The following TMEM132D variants were observed in gnomAD, a reference collection of about 807,000 sequenced individuals.
The protein encoded by TMEM132D is transmembrane protein 132D, also known as mature OL transmembrane protein.
A neutral mutation model predicts 62.3 loss-of-function variants in TMEM132D; 21 were observed. The ratio of observed to expected loss-of-function variants is 0.34; its 90% CI spans 0.24 to 0.49. The LOEUF (loss-of-function observed/expected upper bound fraction) is 0.49. Among genes scored for constraint, TMEM132D ranks in the 20% least tolerant of loss-of-function variants. The pLI is 0.99. For synonymous variants in TMEM132D, 621 were observed against 575.6 expected (o/e 1.08, Z -1.13); for missense variants, 1,346 against 1,402.8 (o/e 0.96, Z 0.65).
intron 2 of TMEM132D, among the ~76,000 whole-genome samples, chr12:129,597,299 C>A (rs1169514820): frequency 6.6e-6 from 1 of 152,108 alleles, no homozygotes; most frequent in African/African-American, 2.4e-5. Context: ...GTGATATACT[C>A]CTGTTTACTT....
At chr12:129,368,818 G>C (rs935060956) in intron 3 of TMEM132D, among the ~76,000 whole-genome samples, 2 of 151,416 alleles carry the variant, frequency 1.3e-5, no homozygotes, top group African/African-American at 2.4e-5. Context: ...GTATATTTCT[G>C]GCCAATCGGC....
At chr12:129,240,738 T>C (rs540300220) in intron 4 of TMEM132D, among the ~76,000 whole-genome samples, 1 of 152,344 alleles carries the variant, frequency 6.6e-6, no homozygotes, top group East Asian at 1.9e-4. Context: ...TAATGTCTAA[T>C]TCCTAAGGCA....
chr12:129,392,399 C>T (rs571871897), intron 3 of TMEM132D, among the ~76,000 whole-genome samples: 1 of 152,200 alleles, frequency 6.6e-6, no homozygotes, highest in East Asian at 1.9e-4. Flanking sequence ...GACTGAACAA[C>T]AAGACTGGGG....
chr12:129,406,358 C>A (rs867681522), intron 3 of TMEM132D, among the ~76,000 whole-genome samples: 1 of 152,150 alleles, frequency 6.6e-6, no homozygotes, highest in Admixed American at 6.5e-5. Flanking sequence ...TGGTGGCTTA[C>A]GCCTGTAATC....
rs764112350 is a variant in TMEM132D at position 129,813,630 on chromosome 12, A to ATT, written c.79+89629_79+89630dup. ...AAATGTGATATATATATATATATAT[A>ATT]TTTTCAGGACTATTTCAGACATTGG... is the stretch of plus-strand genomic sequence containing the variant. On this transcript the variant is annotated intron_variant, in intron 1 of 8. Transcript: ENST00000422113. 3.7e-3 allele frequency among the ~76,000 whole-genome samples: 540 copies of ATT among 147,154 alleles called. 16 individuals are homozygous for ATT. The highest frequency in any genetic ancestry group is 0.012 in the African/African-American group (481 of 40,052).
At chr12:129,075,795 A>G (rs1390283125) in intron 8 of TMEM132D, among the ~76,000 whole-genome samples, 1 of 152,232 alleles carries the variant, frequency 6.6e-6, no homozygotes, top group Middle Eastern at 3.2e-3. Flanking sequence ...GTTGATTTAG[A>G]CCAACTTTCT....
In TMEM132D at chr12:129,164,365, C is replaced by T. The variant is rs193293620; in HGVS notation, c.1443+45155G>A. Among the ~76,000 whole-genome samples, 10 of 152,336 alleles carry T rather than the reference C, an allele frequency of 6.6e-5. No individual in the cohort carries two copies. In the East Asian group the frequency reaches 1.9e-3, roughly 29 times the overall value. ...ACAATGTGATACCACGACCCACCCACCATAATGGCTGCAATTAAACAGCGA... is the reference window on the plus strand; with the variant it reads ...ACAATGTGATACCACGACCCACCCATCATAATGGCTGCAATTAAACAGCGA... On this transcript the variant is annotated intron_variant, in intron 5 of 8. Coordinates refer to ENST00000422113, the MANE Select transcript of TMEM132D (RefSeq NM_133448.3).
chr12:129,574,493 G>A (rs1022054150), intron 2 of TMEM132D, among the ~76,000 whole-genome samples: 1 of 151,952 alleles, frequency 6.6e-6, no homozygotes, highest in African/African-American at 2.4e-5. Context: ...GACTAGGGGC[G>A]AAATGATGCT....
intron 5 of TMEM132D, among the ~76,000 whole-genome samples, chr12:129,147,119 T>C (rs1197550510): frequency 1.3e-5 from 2 of 151,694 alleles, no homozygotes. Context: ...ATTTTGCCCA[T>C]TTGCCTTATT....
intron 3 of TMEM132D, among the ~76,000 whole-genome samples, chr12:129,469,078 G>A (rs1333008094): frequency 1.3e-5 from 2 of 152,148 alleles, no homozygotes; most frequent in African/African-American, 4.8e-5. Context: ...TCAACTTAAT[G>A]AAGAAAACTG....
chr12:129,162,310 G>A lies in TMEM132D; in HGVS notation c.1443+47210C>T, dbSNP rs367739294. 4.6e-5 allele frequency among the ~76,000 whole-genome samples: 7 copies of A among 152,240 alleles called. No individual in the cohort carries two copies. The East Asian group carries it at 9.7e-4, about 21-fold the overall frequency. On this transcript the variant is annotated intron_variant, in intron 5 of 8. Coordinates refer to ENST00000422113, the MANE Select transcript of TMEM132D (RefSeq NM_133448.3). Reference sequence around the variant, plus strand: ...GGCAGCCGTGCACAAGCCAGGAAGAGAGCCCTCACCAGAAACCAACCCTGC... The same window carrying A: ...GGCAGCCGTGCACAAGCCAGGAAGAAAGCCCTCACCAGAAACCAACCCTGC...
rs192261202 is a variant in TMEM132D, at chr12:129,393,441, G to A, written c.1116-55624C>T. Among the ~76,000 whole-genome samples, 853 of 152,260 alleles carry A rather than the reference G, an allele frequency of 5.6e-3. 4 individuals carry two copies. Among genetic ancestry groups the A allele is most frequent in the Middle Eastern group, 0.02 (6 of 294 alleles). ...GGGGATGCTTTCCTGTTTCTTTCCA[G>A]AATCACAGGGGCTGAAGGTGGTGGC... is the stretch of plus-strand genomic sequence containing the variant. On this transcript the variant is annotated intron_variant, in intron 3 of 8. Coordinates refer to ENST00000422113, the MANE Select transcript of TMEM132D (RefSeq NM_133448.3).
rs540371030 is a variant in TMEM132D, at chr12:129,799,331, T to G, written c.80-98633A>C. On this transcript the variant is annotated intron_variant, in intron 1 of 8. Transcript: ENST00000422113. Reference sequence around the variant, plus strand: ...TATATATATACACACACATATTATATATGTATATATATGTGTATATATGTG... The same window carrying G: ...TATATATATACACACACATATTATAGATGTATATATATGTGTATATATGTG... Among the ~76,000 whole-genome samples the G allele has an allele frequency of 6.0e-5, 9 of 149,672 alleles. No homozygotes were observed. The South Asian group carries it at 1.9e-3, about 32-fold the overall frequency.
At chr12:129,430,528 C>T (rs949747247) in intron 3 of TMEM132D, among the ~76,000 whole-genome samples, 2 of 152,002 alleles carry the variant, frequency 1.3e-5, no homozygotes, top group African/African-American at 2.4e-5. Flanking sequence ...GTCTCAGACT[C>T]CTGGGCTTAA....
intron 2 of TMEM132D, among the ~76,000 whole-genome samples, chr12:129,571,095 C>G (rs1022396152): frequency 2.0e-5 from 3 of 152,180 alleles, no homozygotes; most frequent in African/African-American, 7.2e-5. Context: ...TGTAGCCATA[C>G]GTTAGAGGTA....
chr12:129,820,192 T>A (rs1223345713), intron 1 of TMEM132D, among the ~76,000 whole-genome samples: 1 of 152,162 alleles, frequency 6.6e-6, no homozygotes, highest in Non-Finnish European at 1.5e-5. Flanking sequence ...AGGAGTTCTT[T>A]TGAAAGACCA....
intron 3 of TMEM132D, among the ~76,000 whole-genome samples, chr12:129,364,727 G>A (rs1279846045): frequency 6.6e-6 from 1 of 152,122 alleles, no homozygotes; most frequent in African/African-American, 2.4e-5. Context: ...TTCATTCCAG[G>A]CATCATTATT....
At chr12:129,229,799 C>T (rs1294097881) in intron 4 of TMEM132D, among the ~76,000 whole-genome samples, 2 of 152,206 alleles carry the variant, frequency 1.3e-5, no homozygotes, top group Admixed American at 1.3e-4. Context: ...CTGCAAGCCA[C>T]AGGGATTTCA....
chr12:129,228,708 A>G (rs1879550798), intron 4 of TMEM132D, among the ~76,000 whole-genome samples: 1 of 152,142 alleles, frequency 6.6e-6, no homozygotes, highest in Non-Finnish European at 1.5e-5. Flanking sequence ...TTCCTTTCAC[A>G]GCTGAATAAT....
Sources: gnomAD v4.1 joint callset for allele counts (sites outside exome capture counted in the v4.1 genomes callset) on GRCh38, gnomAD v4.1.1 for gene constraint, MANE v1.5 for transcripts, NCBI Gene and HGNC (gene_info 2026-07-23, HGNC 2026-07-21) for gene names.